The following PKNOX2 variants were observed in gnomAD, a reference collection of about 807,000 sequenced individuals.
The protein encoded by PKNOX2 is homeobox protein PKNOX2.
In PKNOX2, 14 loss-of-function variants were observed where a neutral mutation model predicts 53.1. That is an observed-to-expected ratio of 0.26 (90% CI 0.17 to 0.41). The LOEUF (loss-of-function observed/expected upper bound fraction) is 0.41, where lower values mean the gene tolerates loss of function less well. Among genes scored for constraint, PKNOX2 ranks in the 10% least tolerant of loss-of-function variants. The pLI is 1.00. For synonymous variants in PKNOX2, 257 were observed against 242.8 expected (o/e 1.06, Z -0.54); for missense variants, 496 against 602.8 (o/e 0.82, Z 1.85).
intron 2 of PKNOX2, among the ~76,000 whole-genome samples, chr11:125,245,193 C>T (rs947422002): frequency 1.3e-5 from 2 of 152,170 alleles, no homozygotes. Flanking sequence ...CTTCTCTTCC[C>T]TTATGCCATG....
At chr11:125,195,460 G>A (rs1193844234) in intron 1 of PKNOX2, among the ~76,000 whole-genome samples, 1 of 152,166 alleles carries the variant, frequency 6.6e-6, no homozygotes, top group East Asian at 1.9e-4. Flanking sequence ...AAGACTTTCA[G>A]CAGTCGGCAG....
intron 6 of PKNOX2, among the ~76,000 whole-genome samples, chr11:125,387,510 C>T (rs1179817700): frequency 6.6e-6 from 1 of 152,142 alleles, no homozygotes; most frequent in Non-Finnish European, 1.5e-5. Context: ...CCCAGGTGGC[C>T]ACTTCCATGC....
Position 125,333,549 on chromosome 11 carries a change from TACACAC to T in PKNOX2, c.-23+1651_-23+1656del, listed in dbSNP as rs57352759. Among the ~76,000 whole-genome samples the T allele has an allele frequency of 2.8e-3, 401 of 142,322 alleles. 10 individuals carry two copies. In the South Asian group the frequency reaches 0.05, roughly 18 times the overall value. 93.4% of individuals were successfully genotyped at this position (142,322 alleles called of 152,430 possible). Reference sequence around the variant, plus strand: ...CTCAGTCCCAAGACACACACACACATACACACACACACACACACACACACACACACA... The same window carrying T: ...CTCAGTCCCAAGACACACACACACATACACACACACACACACACACACACA... On this transcript the variant is annotated intron_variant, in intron 3 of 12. Coordinates refer to ENST00000298282, the MANE Select transcript of PKNOX2 (RefSeq NM_001382323.2).
At chr11:125,188,857 CT>C (rs879539658) in intron 1 of PKNOX2, among the ~76,000 whole-genome samples, 53 of 148,470 alleles carry the variant, frequency 3.6e-4, no homozygotes, top group Non-Finnish European at 4.8e-4. Flanking sequence ...CATGCGCCGC[CT>C]TTTTTTTTTC....
intron 2 of PKNOX2, among the ~76,000 whole-genome samples, chr11:125,324,017 T>C (rs1003083686): frequency 1.3e-5 from 2 of 152,188 alleles, no homozygotes; most frequent in Admixed American, 1.3e-4. Flanking sequence ...AAAGCAATAT[T>C]ATCAGAGCCT....
At chr11:125,346,931 G>A (rs1030997335) in intron 3 of PKNOX2, among the ~76,000 whole-genome samples, 1 of 152,074 alleles carries the variant, frequency 6.6e-6, no homozygotes, top group Non-Finnish European at 1.5e-5. Context: ...TCAGATGAAC[G>A]GGGCTCTGGG....
intron 2 of PKNOX2, among the ~76,000 whole-genome samples, chr11:125,320,287 G>A (rs1949446781): frequency 6.6e-6 from 1 of 152,140 alleles, no homozygotes; most frequent in Admixed American, 6.5e-5. Context: ...TTCTAACACA[G>A]CAGAGATTCA....
intron 4 of PKNOX2, among the ~76,000 whole-genome samples, chr11:125,356,953 C>G (rs763265059): frequency 9.2e-5 from 14 of 152,266 alleles, no homozygotes; most frequent in Non-Finnish European, 1.5e-4. Context: ...AGGGCTGGAG[C>G]CCCCTGCCTT....
intron 2 of PKNOX2, among the ~76,000 whole-genome samples, chr11:125,241,898 GAA>G (rs1453620455): frequency 6.6e-6 from 1 of 152,034 alleles, no homozygotes; most frequent in African/African-American, 2.4e-5. Flanking sequence ...GAGAGAGAGA[GAA>G]AGGATGAAGG....
chr11:125,365,968 C>G (rs1297568559), intron 4 of PKNOX2, among the ~76,000 whole-genome samples: 1 of 152,220 alleles, frequency 6.6e-6, no homozygotes, highest in East Asian at 1.9e-4. Context: ...AAGAAATAAT[C>G]AGTTGCATTA....
intron 1 of PKNOX2, among the ~76,000 whole-genome samples, chr11:125,206,679 G>A (rs1939156237): frequency 6.6e-6 from 1 of 152,066 alleles, no homozygotes; most frequent in Admixed American, 6.6e-5. Context: ...TCTGTTAAGA[G>A]GGCGAAATCA....
chr11:125,206,421 A>G (rs891545269), intron 1 of PKNOX2, among the ~76,000 whole-genome samples: 1 of 152,104 alleles, frequency 6.6e-6, no homozygotes, highest in African/African-American at 2.4e-5. Flanking sequence ...GTGTGTGTGC[A>G]AAAAGTAAGC....
chr11:125,379,139 C>T (rs1276693481), intron 5 of PKNOX2, among the ~76,000 whole-genome samples: 5 of 150,752 alleles, frequency 3.3e-5, no homozygotes, highest in Non-Finnish European at 2.9e-5. Flanking sequence ...CGGCTCACTG[C>T]GACCTCCACC....
intron 2 of PKNOX2, among the ~76,000 whole-genome samples, chr11:125,258,418 T>G (rs1322438262): frequency 6.6e-6 from 1 of 152,230 alleles, no homozygotes; most frequent in African/African-American, 2.4e-5. Flanking sequence ...AATGAAACAC[T>G]TTCAGGCACC....
At chr11:125,365,507 G>C (rs937230067) in intron 4 of PKNOX2, among the ~76,000 whole-genome samples, 3 of 152,126 alleles carry the variant, frequency 2.0e-5, no homozygotes, top group Non-Finnish European at 2.9e-5. Context: ...TAACTTATTA[G>C]ATGAGGAATA....
intron 2 of PKNOX2, among the ~76,000 whole-genome samples, chr11:125,307,711 T>C (rs1368613708): frequency 1.3e-5 from 2 of 152,256 alleles, no homozygotes; most frequent in Non-Finnish European, 2.9e-5. Flanking sequence ...CCTAGAGACG[T>C]TGGTGAACAG....
chr11:125,319,468 T>C (rs538862619), intron 2 of PKNOX2, among the ~76,000 whole-genome samples: 7 of 152,290 alleles, frequency 4.6e-5, no homozygotes, highest in South Asian at 2.1e-4. Flanking sequence ...TTGTAAAAAA[T>C]GCAATATCTG....
At chr11:125,342,945 C>T (rs1369004306) in intron 3 of PKNOX2, among the ~76,000 whole-genome samples, 1 of 152,160 alleles carries the variant, frequency 6.6e-6, no homozygotes, top group East Asian at 1.9e-4. Context: ...CTGGGCCTCC[C>T]CACCTCTCCC....
At chr11:125,260,427 G>C (rs1212120307) in intron 2 of PKNOX2, among the ~76,000 whole-genome samples, 2 of 151,168 alleles carry the variant, frequency 1.3e-5, no homozygotes, top group East Asian at 3.9e-4. Flanking sequence ...TCAATCTCCT[G>C]ACCTCGTGAT....
Sources: allele counts gnomAD v4.1 joint callset (sites outside exome capture counted in the v4.1 genomes callset), GRCh38; gene constraint gnomAD v4.1.1; transcripts MANE v1.5; gene names NCBI Gene and HGNC (gene_info 2026-07-23, HGNC 2026-07-21).